SLC41A2: variants seen among roughly 807,000 people sequenced by gnomAD.
SLC41A2 encodes SLC41A1-like 1.
In SLC41A2, 32 loss-of-function variants were observed where a neutral mutation model predicts 58.3. The ratio of observed to expected loss-of-function variants is 0.55; its 90% confidence interval spans 0.41 to 0.74. The LOEUF (loss-of-function observed/expected upper bound fraction) is 0.74. Ranked by LOEUF, SLC41A2 falls within the 30% of genes least tolerant of loss-of-function variation. The pLI is 0.00. For missense variants in SLC41A2, 514 were observed against 680.6 expected, an observed-to-expected ratio of 0.76 and a Z score of 2.72; for synonymous variants, 190 against 235.0, an observed-to-expected ratio of 0.81 and a Z score of 1.75.
In SLC41A2 at chr12:104,845,897, A is replaced by T. The variant is rs769665097; in HGVS notation, c.1333T>A (p.Leu445Met). The change falls in exon 9 of 11, where the codon TTG becomes ATG. Residue 445 changes from leucine (L) to methionine (M), a missense_variant. Around this residue, in one of 3 missense-constraint regions of SLC41A2, gnomAD observed 50 missense variants for 104.5 expected, o/e 0.48. Coordinates refer to ENST00000258538, the MANE Select transcript of SLC41A2 (RefSeq NM_001352171.3). ...TAACAACCTTTGGGTTCATCAGGCA[A>T]TTCTCCTGGAATGCTATGTAAATGG... ...YLHLHSIPGELPDEPKGCYYP... is the reference protein window; with the variant it reads ...YLHLHSIPGEMPDEPKGCYYP... 2.5e-6 allele frequency: 4 copies of T among 1,613,866 alleles called. No homozygotes were observed. The African/African-American group carries it at 5.3e-5, about 22-fold the overall frequency.
chr12:104,818,470 G>T (rs2041500565), intron 10 of SLC41A2, among the ~76,000 whole-genome samples: 1 of 152,136 alleles, frequency 6.6e-6, no homozygotes, highest in South Asian at 2.1e-4. Flanking sequence ...GTAGCACAAA[G>T]ATATAAAGAG....
chr12:104,913,145 C>T (rs1395613344), intron 2 of SLC41A2, among the ~76,000 whole-genome samples: 2 of 152,158 alleles, frequency 1.3e-5, no homozygotes, highest in African/African-American at 4.8e-5. Context: ...TATTGATCTC[C>T]TATCTTGTGC....
intron 5 of SLC41A2, among the ~76,000 whole-genome samples, chr12:104,888,829 C>A (rs897208074): frequency 1.3e-5 from 2 of 151,960 alleles, no homozygotes; most frequent in Non-Finnish European, 2.9e-5. Flanking sequence ...CAGGAGACAA[C>A]CTCAGAAAAG....
At chr12:104,949,334 G>A (rs2047864883) in intron 1 of SLC41A2, among the ~76,000 whole-genome samples, 1 of 152,174 alleles carries the variant, frequency 6.6e-6, no homozygotes, top group Admixed American at 6.5e-5. Context: ...CAGTGTGGAA[G>A]AAATAAGGGA....
intron 5 of SLC41A2, among the ~76,000 whole-genome samples, chr12:104,887,550 A>G (rs2044732686): frequency 6.6e-6 from 1 of 151,934 alleles, no homozygotes; most frequent in African/African-American, 2.4e-5. Context: ...GAAAAAGAAA[A>G]AAAGCTATAG....
At chr12:104,917,826 T>TGGGGGGGGGGG (rs1157240944) in intron 2 of SLC41A2, among the ~76,000 whole-genome samples, 1 of 2,104 alleles carries the variant, frequency 4.8e-4, no homozygotes. Context: ...TGTTGTGGGG[T>TGGGGGGGGGGG]GGGGGGAGGG....
chr12:104,838,050 C>T (rs146591088), intron 10 of SLC41A2, among the ~76,000 whole-genome samples: 192 of 152,294 alleles, frequency 1.3e-3, no homozygotes, highest in Middle Eastern at 0.01. Context: ...GTCTGGCTTG[C>T]ATTTTTCTTT....
At chr12:104,934,654 G>A (rs1233037819) in intron 1 of SLC41A2, among the ~76,000 whole-genome samples, 2 of 152,142 alleles carry the variant, frequency 1.3e-5, no homozygotes, top group Non-Finnish European at 2.9e-5. Flanking sequence ...CAGATGAATC[G>A]ATAAATACAA....
chr12:104,903,361 C>A (rs1565888029), intron 3 of SLC41A2, among the ~76,000 whole-genome samples: 1 of 152,196 alleles, frequency 6.6e-6, no homozygotes, highest in South Asian at 2.1e-4. Flanking sequence ...CATAATCTGG[C>A]CTCTGGCTCA....
chr12:104,929,493 G>A (rs2046975935), intron 1 of SLC41A2, among the ~76,000 whole-genome samples: 1 of 152,206 alleles, frequency 6.6e-6, no homozygotes, highest in Admixed American at 6.5e-5. Flanking sequence ...TAATCCCAGG[G>A]TAGAACCCTG....
intron 1 of SLC41A2, among the ~76,000 whole-genome samples, chr12:104,938,455 C>G (rs958136037): frequency 3.3e-5 from 5 of 152,206 alleles, no homozygotes; most frequent in East Asian, 1.9e-4. Context: ...TAGGAGAATT[C>G]TACTTCCTCA....
intron 1 of SLC41A2, among the ~76,000 whole-genome samples, chr12:104,947,821 T>C (rs915027400): frequency 6.6e-6 from 1 of 152,108 alleles, no homozygotes; most frequent in African/African-American, 2.4e-5. Flanking sequence ...TCATATCTCA[T>C]ATATATTTTA....
At chr12:104,844,390 G>A (rs2042527859) in intron 10 of SLC41A2, 82 bp downstream of exon 10, 1 of 916,926 alleles carries the variant, frequency 1.1e-6, no homozygotes, top group African/African-American at 1.7e-5. Context: ...GGTAAAATGT[G>A]TCATGTGTTT....
chr12:104,819,231 C>A (rs976502305), intron 10 of SLC41A2, among the ~76,000 whole-genome samples: 40 of 152,216 alleles, frequency 2.6e-4, no homozygotes, highest in Admixed American at 2.3e-3. Context: ...AGCAAAAAAA[C>A]CCCATATTTT....
At chr12:104,954,322 T>G (rs1011886041) in intron 1 of SLC41A2, among the ~76,000 whole-genome samples, 1 of 152,224 alleles carries the variant, frequency 6.6e-6, no homozygotes, top group Non-Finnish European at 1.5e-5. Flanking sequence ...GTATTTGTTA[T>G]TTTTAAGCTA....
chr12:104,940,363 G>A (rs2047459108), intron 1 of SLC41A2, among the ~76,000 whole-genome samples: 1 of 150,560 alleles, frequency 6.6e-6, no homozygotes, highest in Admixed American at 6.6e-5. Flanking sequence ...GGGGGGAGGG[G>A]GGAGGGATAG....
chr12:104,834,390 G>GA (rs1373794228), intron 10 of SLC41A2, among the ~76,000 whole-genome samples: 9 of 152,036 alleles, frequency 5.9e-5, no homozygotes, highest in East Asian at 5.8e-4. Context: ...TTTACAGCTA[G>GA]AAAAAAAATT....
intron 10 of SLC41A2, among the ~76,000 whole-genome samples, chr12:104,827,829 G>A (rs751612514): frequency 6.6e-6 from 1 of 152,050 alleles, no homozygotes; most frequent in Non-Finnish European, 1.5e-5. Context: ...ATATTCTAAC[G>A]GCAGTAAGAT....
intron 1 of SLC41A2, among the ~76,000 whole-genome samples, chr12:104,933,676 TAC>T (rs552128299): frequency 0.013 from 1,875 of 148,864 alleles, 51 homozygotes; most frequent in African/African-American, 0.045. Context: ...AGAAAATAAA[TAC>T]ACACACACAC....
Sources: gnomAD v4.1 joint callset for allele counts (sites outside exome capture counted in the v4.1 genomes callset) on GRCh38, gnomAD v4.1.1 for gene constraint, gnomAD v4.1.1 regional missense constraint, MANE v1.5 for transcripts, NCBI Gene and HGNC (gene_info 2026-07-23, HGNC 2026-07-21) for gene names.